RMND1: variants seen among roughly 807,000 people sequenced by gnomAD.
The protein encoded by RMND1 is required for meiotic nuclear division protein 1 homolog.
Under a neutral mutation model 54.0 loss-of-function variants are expected in RMND1, and 41 were observed. The observed-to-expected ratio is 0.76, with a 90% confidence interval of 0.59 to 0.98. The LOEUF is 0.98. Ranked by LOEUF, RMND1 falls within the 50% of genes least tolerant of loss-of-function variation. The probability of loss-of-function intolerance (pLI) is 0.00; values close to 1 mark genes in which losing one functional copy is unlikely to be tolerated. For missense variants in RMND1, 457 were observed against 532.0 expected, an observed-to-expected ratio of 0.86 and a Z score of 1.39; for synonymous variants, 183 against 181.7, an observed-to-expected ratio of 1.01 and a Z score of -0.06.
chr6:151,410,259 G>T (rs1779783983), intron 10 of RMND1, among the ~76,000 whole-genome samples: 1 of 152,020 alleles, frequency 6.6e-6, no homozygotes, highest in Non-Finnish European at 1.5e-5. Context: ...GTCTCACCAT[G>T]TTAGCCAGGA....
Position 151,445,591 on chromosome 6 carries a change from T to A in RMND1, c.221A>T (p.Lys74Met). The A allele has an allele frequency of 6.2e-7, 1 of 1,614,198 alleles. No homozygotes were observed. Among genetic ancestry groups the A allele is most frequent in the Non-Finnish European group, 8.5e-7 (1 of 1,180,026 alleles). ...TGGAGACAGCATGCTGGTATCTGAC[T>A]TTTTTTGGTTCATTTCCAGGATCTG... ...KSQILEMNQK[K>M]SDTSMLSPLN... The change falls in exon 2 of 12, where the codon AAG (lysine) becomes ATG (methionine). Residue 74 changes from lysine (K) to methionine (M), a missense_variant. By Grantham distance (95) the Lys-to-Met change is moderately conservative (BLOSUM62 -1). Coordinates refer to ENST00000444024, the MANE Select transcript of RMND1 (RefSeq NM_017909.4).
intron 1 of RMND1, among the ~76,000 whole-genome samples, chr6:151,449,234 C>T (rs1234442022): frequency 2.0e-5 from 3 of 151,622 alleles, no homozygotes; most frequent in Non-Finnish European, 4.4e-5. Flanking sequence ...CTGAGCGTGG[C>T]GGCGGGTGCC....
intron 3 of RMND1, chr6:151,436,126 A>C (rs931968558): frequency 4.1e-5 from 8 of 196,904 alleles, no homozygotes; most frequent in Admixed American, 1.1e-4. Flanking sequence ...AAAAAAAAAA[A>C]CACAAAACAC....
At position 151,405,718 on chromosome 6, in the gene RMND1, A is replaced by T; in HGVS notation, c.1317+2T>A. 7.2e-7 allele frequency: 1 copy of T among 1,387,154 alleles called. No homozygotes were observed. The highest frequency in any genetic ancestry group is 1.0e-6 in the Non-Finnish European group (1 of 973,578). The allele number at this position is 1,387,154 out of a possible 1,614,324, so 85.9% of individuals were successfully genotyped here. On this transcript the variant is annotated splice_donor_variant, in intron 11 of 11. Transcript: ENST00000444024. LOFTEE classifies it high-confidence loss of function. ...TCATAGTACAGAGCATTTCCATCTT[A>T]CCTCTATGGTAATGAGGATGACAAT...
rs139955178 is a variant in RMND1, at chr6:151,423,610, C to G, written c.852G>C (p.Arg284Ser). The change falls in exon 7 of 12, where the codon AGG becomes AGC. Residue 284 changes from arginine (R) to serine (S), a missense_variant. Physicochemically the swap from Arg to Ser is moderately radical, Grantham distance 110. Transcript: ENST00000444024. Reference protein sequence around the residue: ...IKIEGQSKLHRGEIKLNSELD... With the variant: ...IKIEGQSKLHSGEIKLNSELD... The stretch of plus-strand genomic sequence containing the variant: ...GCTCTGAATTTAACTTGATTTCCCC[C>G]CTGTGAAGTTTTGACTGTCCCCTGT... 2.4e-4 allele frequency: 388 copies of G among 1,613,500 alleles called. No individual in the cohort carries two copies. The highest frequency in any genetic ancestry group is 5.3e-4 in the Admixed American group (32 of 59,992).
At chr6:151,421,432 A>AT in intron 8 of RMND1, 111 bp from the exon 9 acceptor site, 1 of 646,264 alleles carries the variant, frequency 1.5e-6, no homozygotes, top group Non-Finnish European at 2.7e-6. Context: ...CTATGTAAAT[A>AT]TTTTTTAGGA....
At chr6:151,444,462 A>G (rs1262739650) in intron 2 of RMND1, 3 of 152,194 alleles carry the variant, frequency 2.0e-5, no homozygotes, top group Admixed American at 1.3e-4. Flanking sequence ...GTATGTATGT[A>G]TACCTTTCCA....
intron 2 of RMND1, among the ~76,000 whole-genome samples, chr6:151,442,454 C>A (rs1025049974): frequency 4.6e-5 from 7 of 152,322 alleles, no homozygotes; most frequent in South Asian, 2.1e-4. Context: ...GGGCTCCATG[C>A]CACTCAGACC....
Position 151,446,084 on chromosome 6 carries a change from G to T in RMND1, c.-14-259C>A, listed in dbSNP as rs561782483. 1.9e-3 allele frequency: 665 copies of T among 358,440 alleles called. 5 individuals are homozygous for T. Among genetic ancestry groups the T allele is most frequent in the Admixed American group, 3.9e-3 (89 of 22,890 alleles). The allele number at this position is 358,440 out of a possible 1,614,324, so 22.2% of individuals were successfully genotyped here. A position where few individuals can be genotyped will look rare whatever the true frequency, so the allele number is the denominator to read the frequency against. On this transcript the variant is annotated intron_variant, in intron 1 of 11. Transcript: ENST00000444024. ...CATAACAAGAACCTTAAAAAAAATA[G>T]TGATGGGACCACTTCATTTACTTCA...
intron 1 of RMND1, among the ~76,000 whole-genome samples, chr6:151,446,632 GT>G (rs1372410584): frequency 2.0e-5 from 3 of 152,088 alleles, no homozygotes; most frequent in Non-Finnish European, 4.4e-5. Flanking sequence ...GCCACACATG[GT>G]GGCTCACGCC....
At position 151,423,612 on chromosome 6, in the gene RMND1, T is replaced by C. The variant is rs1210968863; in HGVS notation, c.850A>G (p.Arg284Gly). The change falls in exon 7 of 12, where the codon AGG becomes GGG. Residue 284 changes from arginine (R) to glycine (G), a missense_variant. Physicochemically the swap from Arg to Gly is moderately radical, Grantham distance 125 (BLOSUM62 -2). Transcript: ENST00000444024. ...IKIEGQSKLH[R>G]GEIKLNSELD... is the part of the protein sequence containing the mutation. ...TCTGAATTTAACTTGATTTCCCCCC[T>C]GTGAAGTTTTGACTGTCCCCTGTGA... 1.5e-5 allele frequency: 25 copies of C among 1,613,296 alleles called. No homozygotes were observed. Among genetic ancestry groups the C allele is most frequent in the Non-Finnish European group, 2.1e-5 (25 of 1,179,408 alleles).
chr6:151,443,126 A>G (rs1029854616), intron 2 of RMND1, among the ~76,000 whole-genome samples: 4 of 152,134 alleles, frequency 2.6e-5, no homozygotes, highest in Non-Finnish European at 4.4e-5. Context: ...AAGTGGTATA[A>G]AGGGTTTACC....
At chr6:151,407,337 T>C (rs7774446) in intron 10 of RMND1, among the ~76,000 whole-genome samples, 54,288 of 151,862 alleles carry the variant, frequency 0.36, 11,467 homozygotes, top group East Asian at 0.68. Flanking sequence ...CCTTTCTTAA[T>C]GTCTGTTTCT....
intron 2 of RMND1, chr6:151,444,626 G>A (rs1251459877): frequency 7.6e-6 from 1 of 131,076 alleles, no homozygotes; most frequent in Non-Finnish European, 1.8e-5. Flanking sequence ...TAAAGTTGAT[G>A]ACTATCGGCA....
At chr6:151,438,627 C>T (rs1780682287) in intron 2 of RMND1, among the ~76,000 whole-genome samples, 1 of 151,822 alleles carries the variant, frequency 6.6e-6, no homozygotes, top group Non-Finnish European at 1.5e-5. Context: ...TCCAGATTTC[C>T]ATCATCATCT....
intron 2 of RMND1, among the ~76,000 whole-genome samples, chr6:151,437,582 C>A (rs541423384): frequency 6.6e-6 from 1 of 152,284 alleles, no homozygotes; most frequent in East Asian, 1.9e-4. Context: ...CACAACTGTT[C>A]AGTAGTTGTT....
chr6:151,412,554 C>T (rs1216938464), intron 10 of RMND1, among the ~76,000 whole-genome samples: 4 of 152,200 alleles, frequency 2.6e-5, no homozygotes, highest in Non-Finnish European at 5.9e-5. Context: ...CTCTTCCTGA[C>T]AGTCTCTCTT....
chr6:151,449,665 T>C (rs1428570876), intron 1 of RMND1, among the ~76,000 whole-genome samples: 3 of 150,820 alleles, frequency 2.0e-5, no homozygotes, highest in Non-Finnish European at 3.0e-5. Context: ...CTCCCCACGG[T>C]CCCCCTCTCC....
intron 10 of RMND1, chr6:151,413,757 C>T (rs1260111582): frequency 6.6e-6 from 1 of 152,196 alleles, no homozygotes; most frequent in Non-Finnish European, 1.5e-5. Flanking sequence ...TCTAATTACA[C>T]CTCTGTTATC....
Sources: gnomAD v4.1 joint callset for allele counts (sites outside exome capture counted in the v4.1 genomes callset) on GRCh38, gnomAD v4.1.1 for gene constraint, MANE v1.5 for transcripts, NCBI Gene and HGNC (gene_info 2026-07-23, HGNC 2026-07-21) for gene names.